SORBS2: variants seen among roughly 807,000 people sequenced by gnomAD.
SORBS2 encodes the protein sorbin and SH3 domain containing 2.
SORBS2 carries 46 observed loss-of-function variants against 97.7 expected under a neutral mutation model. The ratio of observed to expected loss-of-function variants is 0.47; its 90% CI spans 0.37 to 0.60. The LOEUF (loss-of-function observed/expected upper bound fraction) is 0.60, where lower values mean the gene tolerates loss of function less well. Among genes scored for constraint, SORBS2 ranks in the 20% least tolerant of loss-of-function variants. The pLI is 0.00. For missense variants in SORBS2, 1,316 were observed against 1,282.3 expected (o/e 1.03, Z -0.40); for synonymous variants, 476 against 473.4 (o/e 1.01, Z -0.07).
At chr4:185,694,706 C>CTTTCTTTTTTT (rs1388020260) in intron 2 of SORBS2, among the ~76,000 whole-genome samples, 20 of 124,244 alleles carry the variant, frequency 1.6e-4, no homozygotes, top group African/African-American at 4.7e-4. Context: ...CCTTTTCTTT[C>CTTTCTTTTTTT]TTTTCTTTTC....
At chr4:185,876,882 C>G (rs2099233986) in intron 1 of SORBS2, among the ~76,000 whole-genome samples, 1 of 152,206 alleles carries the variant, frequency 6.6e-6, no homozygotes, top group African/African-American at 2.4e-5. Context: ...TATGATAAAA[C>G]TATTCATGGC....
At chr4:185,882,365 T>C (rs1295339505) in intron 1 of SORBS2, among the ~76,000 whole-genome samples, 1 of 152,160 alleles carries the variant, frequency 6.6e-6, no homozygotes, top group Non-Finnish European at 1.5e-5. Flanking sequence ...ACAAAATTCT[T>C]AGTAAAATCT....
intron 4 of SORBS2, among the ~76,000 whole-genome samples, chr4:185,632,166 T>C (rs1230315433): frequency 6.6e-6 from 1 of 152,238 alleles, no homozygotes; most frequent in East Asian, 1.9e-4. Context: ...CAATTCTGTA[T>C]GTATATCAGT....
chr4:185,827,132 T>TCATCAC (rs2099200602), intron 1 of SORBS2, among the ~76,000 whole-genome samples: 1 of 123,216 alleles, frequency 8.1e-6, no homozygotes, highest in East Asian at 2.6e-4. Context: ...ACCATCATCA[T>TCATCAC]CATCATCACC....
At chr4:185,596,892 A>G (rs1248390708) in intron 12 of SORBS2, among the ~76,000 whole-genome samples, 1 of 151,644 alleles carries the variant, frequency 6.6e-6, no homozygotes, top group East Asian at 1.9e-4. Flanking sequence ...TATCTTTCAA[A>G]CCCTGCCCCT....
chr4:185,657,715 C>T, upstream of SORBS2: 1 of 898,566 alleles, frequency 1.1e-6, no homozygotes, highest in Non-Finnish European at 1.7e-6. Flanking sequence ...ATCACTGTCC[C>T]TTTTAACTCA....
intron 1 of SORBS2, among the ~76,000 whole-genome samples, chr4:185,785,962 T>G (rs763017706): frequency 1.3e-5 from 2 of 152,198 alleles, no homozygotes; most frequent in Non-Finnish European, 2.9e-5. Context: ...CCTGGCACAC[T>G]GGAATCATTA....
chr4:185,933,624 C>G (rs1419157712), intron 1 of SORBS2, among the ~76,000 whole-genome samples: 1 of 152,026 alleles, frequency 6.6e-6, no homozygotes, highest in South Asian at 2.1e-4. Context: ...ACGGTATTCC[C>G]CTTGCGCGTG....
At chr4:185,750,338 G>T (rs972173715) in intron 2 of SORBS2, among the ~76,000 whole-genome samples, 1 of 152,152 alleles carries the variant, frequency 6.6e-6, no homozygotes, top group African/African-American at 2.4e-5. Flanking sequence ...TCATAATCCC[G>T]ACAACACTGT....
chr4:185,922,536 C>T (rs555978992), intron 1 of SORBS2, among the ~76,000 whole-genome samples: 16 of 152,310 alleles, frequency 1.1e-4, no homozygotes, highest in African/African-American at 3.1e-4. Flanking sequence ...TCTTCTGGAA[C>T]GCATCAGGTT....
At chr4:185,707,743 A>G (rs1411507190) in intron 2 of SORBS2, among the ~76,000 whole-genome samples, 1 of 152,296 alleles carries the variant, frequency 6.6e-6, no homozygotes, top group East Asian at 1.9e-4. Flanking sequence ...GGCAAAGGGC[A>G]TCTTACATGA....
exon 4 of SORBS2, chr4:185,678,532 T>C: frequency 6.5e-7 from 1 of 1,546,198 alleles, no homozygotes; most frequent in Non-Finnish European, 8.7e-7. Context: ...ATTGCCATCA[T>C]TGTAAGATCT....
rs988774218 is a variant in SORBS2 at position 185,806,130 on chromosome 4, G to A, written c.-337-30764C>T. Among the ~76,000 whole-genome samples, 8 of 152,374 alleles carry A rather than the reference G, an allele frequency of 5.3e-5. No homozygotes were observed. In the East Asian group the frequency reaches 1.5e-3, roughly 29 times the overall value. On this transcript the variant is annotated intron_variant, in intron 1 of 20. Coordinates refer to the SORBS2 transcript ENST00000284776. Reference sequence around the variant, plus strand: ...CAATAGGTGGAAGAGGATTCTCCATGCAGCCGAAGGCTTAATGAAGCACAT... The same window carrying A: ...CAATAGGTGGAAGAGGATTCTCCATACAGCCGAAGGCTTAATGAAGCACAT...
exon 15 of SORBS2, chr4:185,587,407 G>T (rs1006696476): frequency 1.1e-5 from 6 of 543,808 alleles, no homozygotes; most frequent in African/African-American, 9.6e-5. Flanking sequence ...AGAGCAGGAA[G>T]TAGGAATCCA....
chr4:185,664,938 T>C (rs2097575170), intron 4 of SORBS2, among the ~76,000 whole-genome samples: 1 of 152,180 alleles, frequency 6.6e-6, no homozygotes, highest in Non-Finnish European at 1.5e-5. Flanking sequence ...ACTTAGACAT[T>C]ATATGCAATA....
At chr4:185,752,331 A>G (rs895241363) in intron 2 of SORBS2, among the ~76,000 whole-genome samples, 3 of 152,160 alleles carry the variant, frequency 2.0e-5, no homozygotes, top group African/African-American at 7.2e-5. Flanking sequence ...GCTGGAGTGC[A>G]GTGGCACGAT....
intron 1 of SORBS2, among the ~76,000 whole-genome samples, chr4:185,837,981 A>G (rs114030306): frequency 0.01 from 1,583 of 152,300 alleles, 22 homozygotes; most frequent in African/African-American, 0.034. Flanking sequence ...GAAAGTCTCT[A>G]GCAGCCTTCC....
intron 13 of SORBS2, chr4:185,593,617 G>A: frequency 2.3e-6 from 1 of 431,376 alleles, no homozygotes; most frequent in East Asian, 4.4e-5. Context: ...GGGAGACAGA[G>A]TTATCCATCT....
chr4:185,847,302 T>C (rs1561230561), intron 1 of SORBS2, among the ~76,000 whole-genome samples: 1 of 152,164 alleles, frequency 6.6e-6, no homozygotes, highest in African/African-American at 2.4e-5. Context: ...GTGGACACTT[T>C]CTTTGGGATT....
Sources: allele counts gnomAD v4.1 joint callset (sites outside exome capture counted in the v4.1 genomes callset), GRCh38; gene constraint gnomAD v4.1.1; transcripts MANE v1.5; gene names NCBI Gene and HGNC (gene_info 2026-07-23, HGNC 2026-07-21).